Variants in DNAH1 observed in about 807,000 individuals in gnomAD.
DNAH1 encodes dynein axonemal heavy chain 1, also known as axonemal beta dynein heavy chain 1.
In DNAH1, 327 loss-of-function variants were observed where a neutral mutation model predicts 484.3. The ratio of observed to expected loss-of-function variants is 0.68; its 90% CI spans 0.62 to 0.74. The LOEUF (loss-of-function observed/expected upper bound fraction) is 0.74, where lower values mean the gene tolerates loss of function less well. Ranked by LOEUF, DNAH1 falls within the 30% of genes least tolerant of loss-of-function variation. The pLI, the probability that DNAH1 is intolerant of heterozygous loss-of-function variation, is 0.00. For missense variants in DNAH1, 5,052 were observed against 5,546.8 expected (o/e 0.91, Z 2.83); for synonymous variants, 2,192 against 2,191.9 (o/e 1.00, Z 0.00).
In DNAH1 at chr3:52,361,889, C is replaced by G. The variant is rs550187376; in HGVS notation, c.4980+123C>G. ...ACCCTGGGTCCAGCCTCTCTTGTCC[C>G]GGGGGCACACCCTAACCCCAGTCTG... On this transcript the variant is annotated intron_variant, in intron 30 of 77. Coordinates refer to ENST00000420323, the MANE Select transcript of DNAH1 (RefSeq NM_015512.5). This position sits in a 1 kb window ranked among gnomAD's most constrained non-coding sequence, Gnocchi z 5.6. The G allele has an allele frequency of 9.6e-7, 1 of 1,041,798 alleles. No individual in the cohort carries two copies. Among genetic ancestry groups the G allele is most frequent in the Non-Finnish European group, 1.4e-6 (1 of 716,344 alleles). The allele number at this position is 1,041,798 out of a possible 1,614,324, so 64.5% of individuals were successfully genotyped here.
intron 46 of DNAH1, 86 bp from the exon 47 acceptor site, chr3:52,378,516 A>G: frequency 7.0e-7 from 1 of 1,437,254 alleles, no homozygotes; most frequent in Non-Finnish European, 9.7e-7. Context: ...GGGGCACAGC[A>G]CAGCAAAGGC....
At chr3:52,339,281 CT>C (rs777258144) in intron 8 of DNAH1, among the ~76,000 whole-genome samples, 1 of 149,178 alleles carries the variant, frequency 6.7e-6, no homozygotes, top group Non-Finnish European at 1.5e-5. Context: ...CATTTTTATT[CT>C]CTTGGTTATA....
At chr3:52,387,547 T>G (rs1704161284) in intron 56 of DNAH1, among the ~76,000 whole-genome samples, 1 of 152,170 alleles carries the variant, frequency 6.6e-6, no homozygotes, top group South Asian at 2.1e-4. Flanking sequence ...CCTTATGGGC[T>G]ACCCCATTCC....
rs772838797 is a variant in DNAH1 at position 52,349,325 on chromosome 3, G to A, written c.2431G>A (p.Asp811Asn). 1.9e-5 allele frequency: 31 copies of A among 1,613,842 alleles called. No homozygotes were observed. The Admixed American group carries it at 2.0e-4, about 10-fold the overall frequency. Residue 811 changes from aspartate (D) to asparagine (N), a missense_variant, in exon 14 of 78, where the codon GAC becomes AAC. Physicochemically the swap from Asp to Asn is conservative, Grantham distance 23. Transcript: ENST00000420323. ...CATTGGGCCTTTCTACATCAACACC[G>A]ACAATGTCAAGCAGAGCCTGTCCAA... ...IIIGPFYINT[D>N]NVKQSLSKKR...
At chr3:52,315,094 G>T (rs538772117), upstream of DNAH1, among the ~76,000 whole-genome samples, 7 of 152,322 alleles carry the variant, frequency 4.6e-5, no homozygotes, top group East Asian at 1.4e-3. Context: ...CTGAGCAATG[G>T]CAGGGAGGCT....
rs191666037 is a variant in DNAH1, at chr3:52,355,928, C to T, written c.3694-686C>T. ...GCCCATGATTCAGGGGCAGAACTGG[C>T]CCCTTAGTGGGCTGTGGGCCCCTCG... On this transcript the variant is annotated intron_variant, in intron 21 of 77. Transcript: ENST00000420323. This position sits in a 1 kb window ranked among gnomAD's most constrained non-coding sequence, Gnocchi z 4.5. Among the ~76,000 whole-genome samples, 24 of 152,352 alleles carry T rather than the reference C, an allele frequency of 1.6e-4. No homozygotes were observed. Among genetic ancestry groups the T allele is most frequent in the Admixed American group, 1.5e-3 (23 of 15,308 alleles).
chr3:52,376,031 C>T, intron 46 of DNAH1, 38 bp downstream of exon 46: 2 of 1,605,648 alleles, frequency 1.2e-6, no homozygotes, highest in Non-Finnish European at 1.7e-6. Context: ...GCACTGGTTC[C>T]AGGAGGAGCC....
chr3:52,371,841 C>T, intron 41 of DNAH1, 105 bp from the exon 42 acceptor site: 1 of 1,512,952 alleles, frequency 6.6e-7, no homozygotes, highest in African/African-American at 1.4e-5. Flanking sequence ...TTGCCAAAGC[C>T]CAGCCGTGCA....
intron 56 of DNAH1, among the ~76,000 whole-genome samples, chr3:52,387,920 C>T (rs1424861733): frequency 2.0e-5 from 3 of 152,168 alleles, no homozygotes; most frequent in Non-Finnish European, 4.4e-5. Flanking sequence ...GTTATGTGCT[C>T]TTGAGACTGC....
chr3:52,326,980 T>A (rs1322411719), intron 5 of DNAH1, 89 bp downstream of exon 5: 2 of 1,458,406 alleles, frequency 1.4e-6, no homozygotes, highest in Admixed American at 4.5e-5. Context: ...GAAAGGGGAT[T>A]CCCCCACCAG....
Position 52,370,497 on chromosome 3 carries a change from T to C in DNAH1, c.6279T>C (p.Ser2093=). ...CCCAGGGCCTCAAGAAAATACCCTCTGAAAAGCTGAGTCGCATCGTAGAGT... is the reference window on the plus strand; with the variant it reads ...CCCAGGGCCTCAAGAAAATACCCTCCGAAAAGCTGAGTCGCATCGTAGAGT... The part of the protein sequence containing the change: ...LPREGLKKIP[S]EKLSRIVELI... The change falls in exon 40 of 78, where the codon TCT becomes TCC. Residue 2093 remains serine (S), a synonymous_variant. Coordinates refer to ENST00000420323, the MANE Select transcript of DNAH1 (RefSeq NM_015512.5). The C allele has an allele frequency of 6.2e-7, 1 of 1,613,990 alleles. No individual in the cohort carries two copies. Among genetic ancestry groups the C allele is most frequent in the Non-Finnish European group, 8.5e-7 (1 of 1,179,882 alleles).
At position 52,364,661 on chromosome 3, in the gene DNAH1, A is replaced by C. The variant is rs746468706; in HGVS notation, c.5268A>C (p.Arg1756Ser). The change falls in exon 33 of 78, where the codon AGA becomes AGC. Residue 1756 changes from arginine to serine, a missense_variant. By Grantham distance (110) the Arg-to-Ser change is moderately radical. Coordinates refer to ENST00000420323, the MANE Select transcript of DNAH1 (RefSeq NM_015512.5). The surrounding 1 kb of genome is among the most constrained non-coding windows in gnomAD (Gnocchi z 4.2). ...SSQDHYDFGM[R>S]AVKTVISAAG... is the part of the protein sequence containing the mutation. The stretch of plus-strand genomic sequence containing the variant: ...AGGATCACTATGACTTCGGGATGAG[A>C]GCCGTGAAAACTGTGATCTCGGCTG... The C allele has an allele frequency of 1.2e-6, 2 of 1,613,958 alleles. No individual in the cohort carries two copies. The highest frequency in any genetic ancestry group is 1.7e-6 in the Non-Finnish European group (2 of 1,179,892).
rs774675368 is a variant in DNAH1, at chr3:52,375,329, C to A, written c.7075C>A (p.Arg2359Ser). 1 of 1,613,322 alleles carries A rather than the reference C, an allele frequency of 6.2e-7. No individual in the cohort carries two copies. Among genetic ancestry groups the A allele is most frequent in the Admixed American group, 1.7e-5 (1 of 59,948 alleles). Residue 2359 changes from arginine to serine, a missense_variant, in exon 45 of 78, where the codon CGT becomes AGT. Physicochemically the swap from Arg to Ser is moderately radical, Grantham distance 110. This residue lies in a region of DNAH1 where 2,929 missense variants were observed against 3,409.4 expected (regional missense o/e 0.86). Transcript: ENST00000420323. Reference protein sequence around the residue: ...GRNTVTPRLMRHFNYLSFAEM... With the variant: ...GRNTVTPRLMSHFNYLSFAEM... Reference sequence around the variant, plus strand: ...GAACACCGTCACCCCGCGGCTGATGCGTCACTTCAACTACCTGTCTTTCGC... The same window carrying A: ...GAACACCGTCACCCCGCGGCTGATGAGTCACTTCAACTACCTGTCTTTCGC...
At chr3:52,345,384 CAGGG>C (rs1702100231) in intron 9 of DNAH1, 107 bp from the exon 10 acceptor site, 2 of 906,208 alleles carry the variant, frequency 2.2e-6, no homozygotes, top group Admixed American at 5.0e-5. Flanking sequence ...AGTCACTCTT[CAGGG>C]AGAAGGCAGG....
chr3:52,320,629 A>G (rs1701111254), intron 1 of DNAH1, among the ~76,000 whole-genome samples: 1 of 152,148 alleles, frequency 6.6e-6, no homozygotes, highest in Admixed American at 6.5e-5. Flanking sequence ...GGAGGCCTAC[A>G]CTAGCACAAA....
Position 52,386,272 on chromosome 3 carries a change from T to C in DNAH1, c.8738T>C (p.Leu2913Pro). The change falls in exon 55 of 78, where the codon CTG (leucine) becomes CCG (proline). Residue 2913 changes from leucine to proline, a missense_variant. Physicochemically the swap from Leu to Pro is moderately conservative, Grantham distance 98 (BLOSUM62 -3). Coordinates refer to ENST00000420323, the MANE Select transcript of DNAH1 (RefSeq NM_015512.5). Reference sequence around the variant, plus strand: ...ATTGCTGACGATGCCCAGAAGGACCTGGACGAGGCGTTGCCAGCCCTGGAT... The same window carrying C: ...ATTGCTGACGATGCCCAGAAGGACCCGGACGAGGCGTTGCCAGCCCTGGAT... ...QAIADDAQKD[L>P]DEALPALDAA... 6.2e-7 allele frequency: 1 copy of C among 1,610,768 alleles called. No homozygotes were observed. The highest frequency in any genetic ancestry group is 8.5e-7 in the Non-Finnish European group (1 of 1,178,510).
chr3:52,363,006 AC>A lies in DNAH1; in HGVS notation c.5109del (p.Val1704TrpfsTer3). The A allele has an allele frequency of 6.2e-7, 1 of 1,613,858 alleles. No homozygotes were observed. The highest frequency in any genetic ancestry group is 8.5e-7 in the Non-Finnish European group (1 of 1,179,846). ...LPDNLKALFR[P>X]VAMMVPDYAM... Reference sequence around the variant, plus strand: ...ACTGTGTGTCCCAGGCGCTCTTCCGACCCGTGGCCATGATGGTTCCAGATTA... The same window carrying A: ...ACTGTGTGTCCCAGGCGCTCTTCCGACCGTGGCCATGATGGTTCCAGATTA... On this transcript the variant is annotated frameshift_variant, in exon 32 of 78. Transcript: ENST00000420323. LOFTEE classifies it high-confidence loss of function.
At chr3:52,357,067 T>C (rs1702643751) in intron 22 of DNAH1, among the ~76,000 whole-genome samples, 1 of 150,264 alleles carries the variant, frequency 6.7e-6, no homozygotes, top group African/African-American at 2.4e-5. Flanking sequence ...AGAGTTTTGC[T>C]CTTGTTGCCC....
At chr3:52,333,635 G>A (rs1017309340) in intron 8 of DNAH1, among the ~76,000 whole-genome samples, 3 of 152,054 alleles carry the variant, frequency 2.0e-5, no homozygotes, top group East Asian at 1.9e-4. Context: ...TAATCCACTC[G>A]CCTTGGCCTC....
Sources: allele counts gnomAD v4.1 joint callset (sites outside exome capture counted in the v4.1 genomes callset), GRCh38; gene constraint gnomAD v4.1.1; regional missense constraint gnomAD v4.1.1; non-coding constraint Gnocchi (gnomAD v3.1); transcripts MANE v1.5; gene names NCBI Gene and HGNC (gene_info 2026-07-23, HGNC 2026-07-21).